EXD1: variants seen among roughly 807,000 people sequenced by gnomAD.
EXD1 encodes the protein exonuclease 3'-5' domain containing 1.
In EXD1, 63 loss-of-function variants were observed where a neutral mutation model predicts 49.1. The observed-to-expected ratio is 1.28, with a 90% CI of 1.05 to 1.58. The LOEUF is 1.58. Among genes scored for constraint, EXD1 ranks in the 40% most tolerant of loss-of-function variants. The pLI, the probability that EXD1 is intolerant of heterozygous loss-of-function variation, is 0.00. For missense variants in EXD1, 748 were observed against 666.0 expected, an observed-to-expected ratio of 1.12 and a Z score of -1.36; for synonymous variants, 234 against 239.2, an observed-to-expected ratio of 0.98 and a Z score of 0.20.
At chr15:41,190,159 A>G (rs1343168967) in intron 10 of EXD1, 31 bp from the exon 11 acceptor site, 4 of 1,609,722 alleles carry the variant, frequency 2.5e-6, no homozygotes, top group Non-Finnish European at 3.4e-6. Context: ...TCCTCTGAAC[A>G]GTAAGCAAGA....
intron 11 of EXD1, among the ~76,000 whole-genome samples, chr15:41,185,487 A>C (rs1231684789): frequency 6.6e-6 from 1 of 151,972 alleles, no homozygotes; most frequent in East Asian, 1.9e-4. Context: ...CTGGAAGCAC[A>C]GGTGCATGCC....
chr15:41,209,615 A>G (rs1176245778), intron 6 of EXD1, 28 bp from the exon 7 acceptor site: 3 of 1,591,074 alleles, frequency 1.9e-6, no homozygotes, highest in Non-Finnish European at 2.6e-6. Flanking sequence ...GAAAGGAAAA[A>G]CTTTCAGGGA....
At chr15:41,187,160 A>G (rs1001805195) in intron 11 of EXD1, among the ~76,000 whole-genome samples, 7 of 151,470 alleles carry the variant, frequency 4.6e-5, no homozygotes, top group Admixed American at 3.3e-4. Flanking sequence ...CTGGGATTAC[A>G]GGTGTGAGCC....
At chr15:41,201,004 G>A (rs1232926660) in intron 7 of EXD1, among the ~76,000 whole-genome samples, 2 of 151,712 alleles carry the variant, frequency 1.3e-5, no homozygotes, top group Non-Finnish European at 2.9e-5. Context: ...CTCCCAAGTA[G>A]TTGGGGTTAC....
rs772503909 is a variant in EXD1, at chr15:41,184,580, T to C, written c.1070A>G (p.Glu357Gly). Residue 357 changes from glutamate to glycine, a missense_variant, in exon 12 of 12, where the codon GAG (glutamate) becomes GGG (glycine). By Grantham distance (98) the Glu-to-Gly change is moderately conservative (BLOSUM62 -2). Coordinates refer to ENST00000458580, the MANE Select transcript of EXD1 (RefSeq NM_001286441.2). Reference protein sequence around the residue: ...RLGGTEPTCMELPEELLQLKD... With the variant: ...RLGGTEPTCMGLPEELLQLKD... ...GAGTTGAAGCAGTTCCTCTGGCAGC[T>C]CCATACATGTAGGCTAAGAAGAGAA... 6.3e-7 allele frequency: 1 copy of C among 1,592,184 alleles called. No homozygotes were observed.
intron 2 of EXD1, among the ~76,000 whole-genome samples, chr15:41,221,887 G>T (rs939331997): frequency 1.3e-5 from 2 of 151,860 alleles, no homozygotes; most frequent in Non-Finnish European, 2.9e-5. Flanking sequence ...GGATCATGAG[G>T]TCAGGAGTTC....
intron 6 of EXD1, 95 bp from the exon 7 acceptor site, chr15:41,209,682 C>A (rs1287521877): frequency 2.0e-5 from 20 of 1,010,864 alleles, no homozygotes; most frequent in African/African-American, 6.5e-5. Flanking sequence ...CAGCAGTAAA[C>A]AAAGTGCATC....
Position 41,209,534 on chromosome 15 carries a change from A to T in EXD1, c.501T>A (p.Asn167Lys). Reference protein sequence around the residue: ...NVLSVAAEGANVCRHGKLCWL... With the variant: ...NVLSVAAEGAKVCRHGKLCWL... ...AGCACAGTTTGCCATGGCGACATAC[A>T]TTCGCTCCTTCTGCTGCCACACTCA... is the stretch of plus-strand genomic sequence containing the variant. Residue 167 changes from asparagine (N) to lysine (K), a missense_variant, in exon 7 of 12, where the codon AAT becomes AAA. Physicochemically the swap from Asn to Lys is moderately conservative, Grantham distance 94. Transcript: ENST00000458580. 6.2e-7 allele frequency: 1 copy of T among 1,614,186 alleles called. No homozygotes were observed.
chr15:41,218,590 G>A (rs1466447339), intron 3 of EXD1, among the ~76,000 whole-genome samples: 1 of 151,744 alleles, frequency 6.6e-6, no homozygotes, highest in East Asian at 1.9e-4. Flanking sequence ...TCAGCCATCA[G>A]CCTCCTGAGT....
chr15:41,216,617 G>A lies in EXD1; in HGVS notation c.388+51C>T, dbSNP rs988714350. ...TTGCACTGCAGCCTGGGCAACAAGA[G>A]CGAAACTCCATCTCAAAAAAAAAAA... is the stretch of plus-strand genomic sequence containing the variant. On this transcript the variant is annotated intron_variant, in intron 5 of 11. Transcript: ENST00000458580. 11 of 1,543,984 alleles carry A rather than the reference G, an allele frequency of 7.1e-6. No homozygotes were observed. The African/African-American group carries it at 1.4e-4, about 20-fold the overall frequency.
intron 7 of EXD1, among the ~76,000 whole-genome samples, chr15:41,197,244 T>C (rs1190649956): frequency 2.0e-5 from 3 of 151,396 alleles, no homozygotes; most frequent in African/African-American, 4.8e-5. Flanking sequence ...TTTTTTTTTT[T>C]TGAGACGGAG....
rs1412952962 is a variant in EXD1 at position 41,216,795 on chromosome 15, A to G, written c.261T>C (p.Ser87=). ...GSVRAKASSV[S]LHAERTWMEK... is the part of the protein sequence containing the mutation. ...CCATCCAGGTTCTTTCTGCATGTAGACTATCCTTACAAGAAACAATATTTG... is the reference window on the plus strand; with the variant it reads ...CCATCCAGGTTCTTTCTGCATGTAGGCTATCCTTACAAGAAACAATATTTG... The change falls in exon 5 of 12, where the codon AGT becomes AGC. Residue 87 remains serine (S), a splice_region_variant and synonymous_variant. Transcript: ENST00000458580. The G allele has an allele frequency of 6.2e-7, 1 of 1,612,132 alleles. No homozygotes were observed. Among genetic ancestry groups the G allele is most frequent in the African/African-American group, 1.3e-5 (1 of 74,806 alleles).
rs1356819364 is a variant in EXD1 at position 41,215,784 on chromosome 15, A to C, written c.438T>G (p.Phe146Leu). 1.9e-6 allele frequency: 3 copies of C among 1,613,888 alleles called. No individual in the cohort carries two copies. In the Admixed American group the frequency reaches 5.0e-5, roughly 27 times the overall value. The change falls in exon 6 of 12, where the codon TTT (phenylalanine) becomes TTG (leucine). Residue 146 changes from phenylalanine (F) to leucine (L), a missense_variant. Phe to Leu is a conservative substitution (Grantham distance 22). Coordinates refer to ENST00000458580, the MANE Select transcript of EXD1 (RefSeq NM_001286441.2). ...YTVINQFQQK[F>L]GAAILHIKKQ... ...TGAGGACAATACTTACCGCAGCACC[A>C]AACTTCTGCTGGAATTGATTAATGA...
chr15:41,218,612 T>C (rs1595456663), intron 3 of EXD1, among the ~76,000 whole-genome samples: 1 of 151,838 alleles, frequency 6.6e-6, no homozygotes, highest in Non-Finnish European at 1.5e-5. Context: ...GGGGAGGTGA[T>C]AGCAGTGATT....
intron 11 of EXD1, among the ~76,000 whole-genome samples, chr15:41,188,996 G>T (rs1241188396): frequency 6.6e-6 from 1 of 151,398 alleles, no homozygotes; most frequent in African/African-American, 2.4e-5. Flanking sequence ...TAGAGATGGG[G>T]TTTCATCATG....
intron 7 of EXD1, among the ~76,000 whole-genome samples, chr15:41,208,332 G>A (rs1224978247): frequency 7.7e-6 from 1 of 130,406 alleles, no homozygotes; most frequent in Admixed American, 8.7e-5. Flanking sequence ...CCAGGAGTTT[G>A]AGACCAGCCT....
chr15:41,226,047 T>C (rs2047160428), intron 2 of EXD1, among the ~76,000 whole-genome samples: 3 of 152,020 alleles, frequency 2.0e-5, no homozygotes, highest in Admixed American at 2.0e-4. Context: ...GGTCAGGAGA[T>C]CGAGACCATC....
intron 6 of EXD1, among the ~76,000 whole-genome samples, chr15:41,209,872 G>T (rs2046895227): frequency 6.6e-6 from 1 of 151,996 alleles, no homozygotes; most frequent in South Asian, 2.1e-4. Context: ...GACACCTTTT[G>T]TTACCACTGA....
rs956144361 is a variant in EXD1 at position 41,227,458 on chromosome 15, T to A, written c.-53-830A>T. ...GCCGAGGTGGGCAGATAATCTGAGGTCGGGAGTTCCAGACCAGCCTGACCA... is the reference window on the plus strand; with the variant it reads ...GCCGAGGTGGGCAGATAATCTGAGGACGGGAGTTCCAGACCAGCCTGACCA... On this transcript the variant is annotated intron_variant, in intron 1 of 11. Coordinates refer to ENST00000458580, the MANE Select transcript of EXD1 (RefSeq NM_001286441.2). Among the ~76,000 whole-genome samples the A allele has an allele frequency of 4.6e-5, 7 of 152,160 alleles. No homozygotes were observed. In the East Asian group the frequency reaches 1.4e-3, roughly 29 times the overall value.
Sources: gnomAD v4.1 joint callset for allele counts (sites outside exome capture counted in the v4.1 genomes callset) on GRCh38, gnomAD v4.1.1 for gene constraint, MANE v1.5 for transcripts, NCBI Gene and HGNC (gene_info 2026-07-23, HGNC 2026-07-21) for gene names.